Variants in ZNF804A observed in about 807,000 individuals in gnomAD.
ZNF804A encodes zinc finger protein 804A.
A neutral mutation model predicts 16.5 loss-of-function variants in ZNF804A; 2 were observed. The observed-to-expected ratio is 0.12, with a 90% CI of 0.05 to 0.38. ZNF804A has a LOEUF of 0.38. Ranked by LOEUF, ZNF804A falls within the 10% of genes least tolerant of loss-of-function variation. ZNF804A has a pLI of 0.99. For synonymous variants in ZNF804A, 534 were observed against 489.6 expected (o/e 1.09, Z -1.20); for missense variants, 1,473 against 1,390.7 (o/e 1.06, Z -0.94).
At chr2:184,921,408 C>T (rs1380176217) in intron 2 of ZNF804A, among the ~76,000 whole-genome samples, 7 of 152,088 alleles carry the variant, frequency 4.6e-5, no homozygotes, top group Non-Finnish European at 1.0e-4. Context: ...AAGATTAGTA[C>T]AATCACCTGG....
In ZNF804A at chr2:184,716,792, T is replaced by A. The variant is rs1371634792; in HGVS notation, c.111+117722T>A. Reference sequence around the variant, plus strand: ...GTTGGTTTGTGTGTGTGTATATGTGTGTACACGCAACTGAGTTTGTGAACA... The same window carrying A: ...GTTGGTTTGTGTGTGTGTATATGTGAGTACACGCAACTGAGTTTGTGAACA... On this transcript the variant is annotated intron_variant, in intron 1 of 3. Transcript: ENST00000302277. Among the ~76,000 whole-genome samples, 4 of 152,210 alleles carry A rather than the reference T, an allele frequency of 2.6e-5. No homozygotes were observed. The East Asian group carries it at 7.7e-4, about 29-fold the overall frequency.
At chr2:184,781,516 T>C (rs1439486464) in intron 1 of ZNF804A, among the ~76,000 whole-genome samples, 2 of 151,816 alleles carry the variant, frequency 1.3e-5, no homozygotes, top group East Asian at 1.9e-4. Flanking sequence ...GTTTAAGTAC[T>C]TATTCTACTT....
chr2:184,769,179 T>C (rs2105767581), intron 1 of ZNF804A, among the ~76,000 whole-genome samples: 1 of 152,222 alleles, frequency 6.6e-6, no homozygotes, highest in Admixed American at 6.6e-5. Flanking sequence ...GAATGACCTA[T>C]AGTAATTGCA....
intron 1 of ZNF804A, among the ~76,000 whole-genome samples, chr2:184,784,002 G>T (rs2105775291): frequency 6.6e-6 from 1 of 152,012 alleles, no homozygotes; most frequent in East Asian, 1.9e-4. Flanking sequence ...ATGCCATTAT[G>T]TTTCTAGTTT....
intron 1 of ZNF804A, among the ~76,000 whole-genome samples, chr2:184,738,767 A>G (rs940663438): frequency 2.6e-5 from 4 of 152,234 alleles, no homozygotes; most frequent in Non-Finnish European, 5.9e-5. Context: ...GGTAAACACA[A>G]TGTGTACAAC....
At chr2:184,709,294 C>T (rs1489540252) in intron 1 of ZNF804A, among the ~76,000 whole-genome samples, 2 of 152,050 alleles carry the variant, frequency 1.3e-5, no homozygotes, top group Non-Finnish European at 2.9e-5. Flanking sequence ...TCTTCTTTTA[C>T]TCTCACAAAT....
chr2:184,618,058 A>G (rs1691354854), intron 1 of ZNF804A, among the ~76,000 whole-genome samples: 1 of 152,040 alleles, frequency 6.6e-6, no homozygotes, highest in Non-Finnish European at 1.5e-5. Context: ...GTATATTTAT[A>G]TTTATTCCAT....
intron 1 of ZNF804A, among the ~76,000 whole-genome samples, chr2:184,663,838 G>A (rs940186549): frequency 6.6e-6 from 1 of 152,172 alleles, no homozygotes; most frequent in African/African-American, 2.4e-5. Flanking sequence ...CGCTTGCTAT[G>A]GGAACCCAGT....
chr2:184,816,085 C>A (rs145102014), intron 1 of ZNF804A, among the ~76,000 whole-genome samples: 10 of 152,176 alleles, frequency 6.6e-5, no homozygotes, highest in African/African-American at 2.4e-4. Flanking sequence ...ATTTTCCTCA[C>A]TGCTGATTCT....
intron 1 of ZNF804A, among the ~76,000 whole-genome samples, chr2:184,744,157 T>A (rs1693750912): frequency 6.6e-6 from 1 of 151,904 alleles, no homozygotes; most frequent in Admixed American, 6.6e-5. Flanking sequence ...TGTATCTAGG[T>A]AAATGCCTTT....
chr2:184,668,721 A>G (rs144687465), intron 1 of ZNF804A, among the ~76,000 whole-genome samples: 128 of 152,168 alleles, frequency 8.4e-4, no homozygotes, highest in African/African-American at 2.9e-3. Context: ...AAGGGCAAAG[A>G]ACCTTCCTTA....
At chr2:184,652,170 G>C (rs1462084522) in intron 1 of ZNF804A, among the ~76,000 whole-genome samples, 2 of 152,074 alleles carry the variant, frequency 1.3e-5, no homozygotes, top group Admixed American at 6.6e-5. Flanking sequence ...ATTATCCTAA[G>C]TGATTTAGTG....
intron 2 of ZNF804A, among the ~76,000 whole-genome samples, chr2:184,886,435 T>C (rs1289913076): frequency 6.6e-6 from 1 of 152,140 alleles, no homozygotes. Context: ...CATTCTGGGA[T>C]CTGGAGGATG....
rs1041906049 is a variant in ZNF804A, at chr2:184,937,697, A to G, written c.2301A>G (p.Arg767=). The G allele has an allele frequency of 7.4e-6, 12 of 1,613,974 alleles. No individual in the cohort carries two copies. Among genetic ancestry groups the G allele is most frequent in the African/African-American group, 6.7e-5 (5 of 74,934 alleles). Residue 767 remains arginine (R), a synonymous_variant, in exon 4 of 4, where the codon AGA becomes AGG. Coordinates refer to ENST00000302277, the MANE Select transcript of ZNF804A (RefSeq NM_194250.2). ...ATTCTGTCATGAATGAATCAGAAAG[A>G]TTCTATCGAAAACGTAGACAACATT... is the stretch of plus-strand genomic sequence containing the variant. The part of the protein sequence containing the change: ...GYNSVMNESE[R]FYRKRRQHSH...
At chr2:184,835,264 G>A (rs1469788547) in intron 1 of ZNF804A, among the ~76,000 whole-genome samples, 2 of 152,018 alleles carry the variant, frequency 1.3e-5, no homozygotes, top group African/African-American at 4.8e-5. Flanking sequence ...AGAGGTACTG[G>A]TCCTTGCAGA....
At chr2:184,635,235 G>C (rs115240732) in intron 1 of ZNF804A, among the ~76,000 whole-genome samples, 2 of 151,932 alleles carry the variant, frequency 1.3e-5, no homozygotes, top group Non-Finnish European at 2.9e-5. Context: ...GCATTTTTCC[G>C]TATGAAACAA....
chr2:184,670,595 T>A (rs6756881), intron 1 of ZNF804A, among the ~76,000 whole-genome samples: 26,451 of 152,022 alleles, frequency 0.17, 2,460 homozygotes, highest in South Asian at 0.25. Context: ...ATATTTTTAT[T>A]TATGAAGATT....
intron 1 of ZNF804A, among the ~76,000 whole-genome samples, chr2:184,656,131 G>A (rs1411016071): frequency 2.0e-5 from 3 of 152,166 alleles, no homozygotes; most frequent in Admixed American, 6.5e-5. Flanking sequence ...TTTGTCGGTA[G>A]AATTTTTAAC....
intron 1 of ZNF804A, among the ~76,000 whole-genome samples, chr2:184,761,503 A>G (rs1267436708): frequency 2.0e-5 from 3 of 152,130 alleles, no homozygotes; most frequent in African/African-American, 7.2e-5. Context: ...TTAAGGCAAT[A>G]GCGGGAATAT....
Sources: allele counts gnomAD v4.1 joint callset (sites outside exome capture counted in the v4.1 genomes callset), GRCh38; gene constraint gnomAD v4.1.1; transcripts MANE v1.5; gene names NCBI Gene and HGNC (gene_info 2026-07-23, HGNC 2026-07-21).